The following CHM variants were observed in gnomAD, a reference collection of about 807,000 sequenced individuals.
CHM encodes CHM Rab escort protein.
CHM carries 10 observed loss-of-function variants against 49.0 expected under a neutral mutation model. The observed-to-expected ratio is 0.20, with a 90% confidence interval of 0.13 to 0.35. CHM has a LOEUF of 0.35. Among genes scored for constraint, CHM ranks in the 10% least tolerant of loss-of-function variants. The pLI is 1.00. For missense variants in CHM, 455 were observed against 478.4 expected (o/e 0.95, Z 0.46); for synonymous variants, 184 against 167.5 (o/e 1.10, Z -0.76).
intron 3 of CHM, among the ~76,000 whole-genome samples, chrX:85,979,631 T>C (rs1931486104): frequency 1.8e-5 from 2 of 110,916 alleles, no homozygotes; most frequent in Admixed American, 9.5e-5. Context: ...AGGATCAATT[T>C]TTAATCTGTT....
chrX:85,929,439 CT>C (rs1162172287), intron 8 of CHM, among the ~76,000 whole-genome samples: 1 of 111,869 alleles, frequency 8.9e-6, no homozygotes, highest in African/African-American at 3.3e-5. Context: ...ACCCTATTTG[CT>C]TTTTTTCTTT....
rs1930433761 is a variant in CHM at position 85,963,916 on chromosome X, A to G, written c.451T>C (p.Cys151Arg). 3 of 1,211,331 alleles carry G rather than the reference A, an allele frequency of 2.5e-6. No homozygotes were observed. The highest frequency in any genetic ancestry group is 3.4e-6 in the Non-Finnish European group (3 of 895,427). ...TEDESLSTMS[C>R]EMLTEQTPSS... ...GGAGTTTGTTCTGTGAGCATTTCAC[A>G]GCTCATAGTGCTTAATGACTCATCC... The change falls in exon 5 of 15, where the codon TGT (cysteine) becomes CGT (arginine). Residue 151 changes from cysteine to arginine, a missense_variant. Physicochemically the swap from Cys to Arg is radical, Grantham distance 180. Transcript: ENST00000357749.
intron 13 of CHM, 150 bp from the exon 14 acceptor site, chrX:85,873,362 A>G (rs1924213134): frequency 2.3e-6 from 1 of 438,042 alleles, no homozygotes. Flanking sequence ...TTGCATCTAC[A>G]CACTCTATTT....
At chrX:85,987,511 G>T in intron 2 of CHM, among the ~76,000 whole-genome samples, 1 of 111,888 alleles carries the variant, frequency 8.9e-6, no homozygotes, top group Non-Finnish European at 1.9e-5. Flanking sequence ...TAAAGAAAAA[G>T]ATTTGCAACC....
At chrX:85,979,982 A>AG (rs1475348334) in intron 3 of CHM, among the ~76,000 whole-genome samples, 1 of 111,642 alleles carries the variant, frequency 9.0e-6, no homozygotes, top group Non-Finnish European at 1.9e-5. Context: ...GCCTAAGAAA[A>AG]GAACTGTGGA....
At chrX:85,895,500 T>C (rs1479919694) in intron 11 of CHM, among the ~76,000 whole-genome samples, 1 of 111,562 alleles carries the variant, frequency 9.0e-6, no homozygotes, top group Non-Finnish European at 1.9e-5. Context: ...CAAACTAATA[T>C]TCATCTGAGG....
intron 3 of CHM, among the ~76,000 whole-genome samples, chrX:85,980,519 A>G (rs960768627): frequency 1.8e-5 from 2 of 112,367 alleles, no homozygotes; most frequent in African/African-American, 3.2e-5. Flanking sequence ...TAAGTCATGT[A>G]CATTGATTAA....
At chrX:85,985,182 C>T (rs1931838863) in intron 2 of CHM, among the ~76,000 whole-genome samples, 2 of 112,473 alleles carry the variant, frequency 1.8e-5, no homozygotes, top group South Asian at 7.3e-4. Flanking sequence ...GGTGGGCTGC[C>T]ATTTTTGCTA....
At chrX:86,031,256 T>A (rs1313832585) in intron 1 of CHM, among the ~76,000 whole-genome samples, 1 of 111,672 alleles carries the variant, frequency 9.0e-6, no homozygotes, top group African/African-American at 3.3e-5. Context: ...CTGCTCTACA[T>A]CATTGTACCT....
intron 2 of CHM, among the ~76,000 whole-genome samples, chrX:86,008,503 G>GTTAT (rs1924911846): frequency 9.0e-6 from 1 of 111,397 alleles, no homozygotes; most frequent in Non-Finnish European, 1.9e-5. Flanking sequence ...TTGTATACAT[G>GTTAT]TATTATTTTG....
chrX:85,881,599 G>C (rs1266055986), intron 12 of CHM, among the ~76,000 whole-genome samples: 1 of 111,721 alleles, frequency 9.0e-6, no homozygotes, highest in Non-Finnish European at 1.9e-5. Context: ...CATATGGCCT[G>C]CCTGCAGAGT....
Position 85,894,241 on chromosome X carries a change from G to A in CHM, c.1457C>T (p.Ala486Val), listed in dbSNP as rs1460997433. The change falls in exon 12 of 15, where the codon GCT (alanine) becomes GTT (valine). Residue 486 changes from alanine (A) to valine (V), a missense_variant. Physicochemically the swap from Ala to Val is moderately conservative, Grantham distance 64. Coordinates refer to ENST00000357749, the MANE Select transcript of CHM (RefSeq NM_000390.4). ...TVPAEEPGTF[A>V]VRVIELCSST... is the part of the protein sequence containing the mutation. ...AGAACATAACTCAATGACCCGAACA[G>A]CAAAAGTTCCTGGTTCCTCTGCTGG... The A allele has an allele frequency of 4.1e-6, 5 of 1,208,496 alleles. No individual in the cohort carries two copies. In the African/African-American group the frequency reaches 8.8e-5, roughly 21 times the overall value.
chrX:86,016,796 C>A (rs753934869), intron 2 of CHM, among the ~76,000 whole-genome samples: 12 of 111,823 alleles, frequency 1.1e-4, no homozygotes, highest in African/African-American at 3.9e-4. Context: ...GAGAAGAGGG[C>A]CACTGTCCTC....
At chrX:85,945,100 G>A (rs1052911062) in intron 8 of CHM, among the ~76,000 whole-genome samples, 5 of 111,347 alleles carry the variant, frequency 4.5e-5, no homozygotes, top group African/African-American at 1.6e-4. Flanking sequence ...TGGACACATA[G>A]AGGGAAAAAA....
rs114803582 is a variant in CHM at position 85,982,087 on chromosome X, G to A, written c.117-278C>T. On this transcript the variant is annotated intron_variant, in intron 2 of 14. Coordinates refer to ENST00000357749, the MANE Select transcript of CHM (RefSeq NM_000390.4). ...GCTTTCTCCACTGATTATGTGAACC[G>A]CCTGACATGGGCATTTAGCAGGTAA... 4.6e-3 allele frequency among the ~76,000 whole-genome samples: 516 copies of A among 111,858 alleles called. 1 individual carries two copies. Among genetic ancestry groups the A allele is most frequent in the Non-Finnish European group, 8.3e-3 (443 of 53,208 alleles).
chrX:85,885,409 G>A (rs1197195779), intron 12 of CHM, among the ~76,000 whole-genome samples: 14 of 109,414 alleles, frequency 1.3e-4, no homozygotes, highest in African/African-American at 4.6e-4. Flanking sequence ...CTACAAAAAG[G>A]CTTAAATTTT....
At chrX:85,963,326 G>A (rs777721257) in intron 5 of CHM, among the ~76,000 whole-genome samples, 1 of 112,013 alleles carries the variant, frequency 8.9e-6, no homozygotes. Context: ...TAAAAGAATC[G>A]ATGGAAATTG....
intron 8 of CHM, among the ~76,000 whole-genome samples, chrX:85,932,516 G>A (rs1284414410): frequency 8.9e-6 from 1 of 112,062 alleles, no homozygotes; most frequent in African/African-American, 3.2e-5. Flanking sequence ...CACTGGACAT[G>A]AGTAGTGCAG....
chrX:86,016,082 G>A (rs1449149850), intron 2 of CHM, among the ~76,000 whole-genome samples: 2 of 110,836 alleles, frequency 1.8e-5, no homozygotes, highest in Admixed American at 9.5e-5. Flanking sequence ...GCAGTGAGCC[G>A]AGATCGCACC....
Sources: gnomAD v4.1 joint callset for allele counts (sites outside exome capture counted in the v4.1 genomes callset) on GRCh38, gnomAD v4.1.1 for gene constraint, MANE v1.5 for transcripts, NCBI Gene and HGNC (gene_info 2026-07-23, HGNC 2026-07-21) for gene names.